C3orf20: variants seen among roughly 807,000 people sequenced by gnomAD.
The protein encoded by C3orf20 is family with sequence similarity 149 member C, also known as uncharacterized protein C3orf20.
In C3orf20, 76 loss-of-function variants were observed where a neutral mutation model predicts 88.3. The ratio of observed to expected loss-of-function variants is 0.86; its 90% CI spans 0.72 to 1.04. The LOEUF is 1.04. C3orf20 is among the 50% of genes least tolerant of loss of function. The pLI is 0.00. For missense variants in C3orf20, 1,056 were observed against 1,123.3 expected (o/e 0.94, Z 0.86); for synonymous variants, 436 against 437.4 (o/e 1.00, Z 0.04).
At position 14,704,423 on chromosome 3, in the gene C3orf20, T is replaced by TA. The variant is rs1229569960; in HGVS notation, c.967dup (p.Met323AsnfsTer59). On this transcript the variant is annotated frameshift_variant, in exon 7 of 17. Transcript: ENST00000253697. LOFTEE classifies it high-confidence loss of function. ...TACAAGGCAAAGATGCCCTCTCATC[T>TA]AATGTTGGCCCGCAAAGGAGACTCT... The TA allele has an allele frequency of 6.2e-7, 1 of 1,614,050 alleles. No individual in the cohort carries two copies. The highest frequency in any genetic ancestry group is 1.3e-5 in the African/African-American group (1 of 74,920).
At chr3:14,696,827 A>G (rs2033025148) in intron 5 of C3orf20, among the ~76,000 whole-genome samples, 1 of 152,056 alleles carries the variant, frequency 6.6e-6, no homozygotes, top group Non-Finnish European at 1.5e-5. Flanking sequence ...TTCTGATTGA[A>G]GTACTGCCTT....
chr3:14,740,091 A>G (rs531303629), intron 12 of C3orf20, among the ~76,000 whole-genome samples: 4 of 152,288 alleles, frequency 2.6e-5, no homozygotes, highest in African/African-American at 9.6e-5. Flanking sequence ...TGCATTCACA[A>G]CTTGGCTGAC....
At chr3:14,720,281 T>C (rs1575123723) in intron 9 of C3orf20, among the ~76,000 whole-genome samples, 3 of 152,262 alleles carry the variant, frequency 2.0e-5, no homozygotes, top group Admixed American at 6.5e-5. Flanking sequence ...CCGCCCACCT[T>C]GGCCTCCCAA....
chr3:14,732,891 G>C (rs1258875140), intron 12 of C3orf20, among the ~76,000 whole-genome samples: 1 of 91,136 alleles, frequency 1.1e-5, no homozygotes, highest in Non-Finnish European at 2.6e-5. Context: ...TATAGTGTAT[G>C]AATTGAAGTT....
At chr3:14,762,583 T>C (rs921386615) in intron 15 of C3orf20, among the ~76,000 whole-genome samples, 6 of 152,200 alleles carry the variant, frequency 3.9e-5, no homozygotes, top group Non-Finnish European at 7.3e-5. Flanking sequence ...AATCCTCTGT[T>C]TCCTCACCTT....
chr3:14,717,510 C>T (rs1326626350), intron 9 of C3orf20, among the ~76,000 whole-genome samples: 3 of 152,068 alleles, frequency 2.0e-5, no homozygotes, highest in Non-Finnish European at 4.4e-5. Context: ...TAAGAGGTCA[C>T]AAGTGCTTCT....
intron 12 of C3orf20, among the ~76,000 whole-genome samples, chr3:14,745,543 C>G (rs542010553): frequency 7.7e-4 from 117 of 152,162 alleles, no homozygotes; most frequent in Non-Finnish European, 1.2e-3. Context: ...GTGATTAGCC[C>G]AATCCTTTTT....
At chr3:14,679,399 A>G (rs953794478) in intron 1 of C3orf20, among the ~76,000 whole-genome samples, 4 of 152,238 alleles carry the variant, frequency 2.6e-5, no homozygotes, top group African/African-American at 9.6e-5. Context: ...TGGCCAGAAT[A>G]GAGAGCTAAA....
At chr3:14,684,443 T>C in intron 4 of C3orf20, 61 bp downstream of exon 4, 1 of 1,574,038 alleles carries the variant, frequency 6.4e-7, no homozygotes, top group Non-Finnish European at 8.6e-7. Flanking sequence ...AGGAATGCAA[T>C]GGAAAGGCAA....
chr3:14,688,017 C>T (rs2032519696), intron 4 of C3orf20, among the ~76,000 whole-genome samples: 1 of 152,032 alleles, frequency 6.6e-6, no homozygotes, highest in South Asian at 2.1e-4. Context: ...AGTTTCCAGA[C>T]AAAAATCTAA....
chr3:14,723,466 A>T (rs2034235947), intron 10 of C3orf20, among the ~76,000 whole-genome samples: 1 of 152,266 alleles, frequency 6.6e-6, no homozygotes, highest in Non-Finnish European at 1.5e-5. Context: ...AGATGTAGAA[A>T]TAAAGAAGTC....
chr3:14,708,117 C>T (rs1220155680), intron 7 of C3orf20, among the ~76,000 whole-genome samples: 12 of 151,894 alleles, frequency 7.9e-5, no homozygotes, highest in African/African-American at 2.7e-4. Context: ...CCACCGTGCC[C>T]GGCCCCCTGT....
In C3orf20 at chr3:14,714,177, G is replaced by A. The variant is rs2033859331; in HGVS notation, c.1313+18G>A. On this transcript the variant is annotated intron_variant, in intron 8 of 16. Coordinates refer to ENST00000253697, the MANE Select transcript of C3orf20 (RefSeq NM_032137.5). ...AAAACCAGGTAAGTGGACTGGGAGA[G>A]TACTAGTCACACGGAAGTACCTCTG... 6.2e-7 allele frequency: 1 copy of A among 1,612,332 alleles called. No individual in the cohort carries two copies. Among genetic ancestry groups the A allele is most frequent in the Admixed American group, 1.7e-5 (1 of 59,970 alleles).
chr3:14,755,902 G>A (rs552007191), intron 12 of C3orf20, among the ~76,000 whole-genome samples: 53 of 151,718 alleles, frequency 3.5e-4, no homozygotes, highest in African/African-American at 1.2e-3. Flanking sequence ...GGTGGTGGGC[G>A]CCTGTAGTCC....
chr3:14,745,520 G>C (rs1192263666), intron 12 of C3orf20, among the ~76,000 whole-genome samples: 2 of 152,190 alleles, frequency 1.3e-5, no homozygotes, highest in African/African-American at 2.4e-5. Context: ...AATACCCACT[G>C]TGTAGGTGTT....
intron 5 of C3orf20, among the ~76,000 whole-genome samples, chr3:14,697,866 T>A (rs1275024509): frequency 6.6e-6 from 1 of 152,126 alleles, no homozygotes; most frequent in Non-Finnish European, 1.5e-5. Flanking sequence ...GCTTCATCCA[T>A]GTCCCTGCAA....
intron 7 of C3orf20, 45 bp downstream of exon 7, chr3:14,704,663 CCCAGAGAAGT>C: frequency 6.3e-7 from 1 of 1,595,982 alleles, no homozygotes; most frequent in Non-Finnish European, 8.5e-7. Flanking sequence ...GCTACTCAAC[CCCAGAGAAGT>C]CCAGGACTTG....
intron 12 of C3orf20, among the ~76,000 whole-genome samples, chr3:14,750,720 C>T (rs1248119825): frequency 2.0e-5 from 3 of 151,980 alleles, no homozygotes; most frequent in East Asian, 1.9e-4. Flanking sequence ...TTGCTTCTCC[C>T]GTTGTTTTCA....
chr3:14,730,540 G>GTT (rs2034508671), intron 12 of C3orf20, among the ~76,000 whole-genome samples: 1 of 151,372 alleles, frequency 6.6e-6, no homozygotes, highest in African/African-American at 2.4e-5. Flanking sequence ...GAGCGAGACT[G>GTT]TGTCTCAAAA....
Sources: allele counts gnomAD v4.1 joint callset (sites outside exome capture counted in the v4.1 genomes callset), GRCh38; gene constraint gnomAD v4.1.1; transcripts MANE v1.5; gene names NCBI Gene and HGNC (gene_info 2026-07-23, HGNC 2026-07-21).